PMFBP1: variants seen among roughly 807,000 people sequenced by gnomAD.
The protein encoded by PMFBP1 is polyamine modulated factor 1 binding protein 1, also known as polyamine-modulated factor 1-binding protein 1.
PMFBP1 carries 131 observed loss-of-function variants against 137.8 expected under a neutral mutation model. The observed-to-expected ratio is 0.95, with a 90% CI of 0.82 to 1.10. The LOEUF (loss-of-function observed/expected upper bound fraction) is 1.10, where lower values mean the gene tolerates loss of function less well. Ranked by LOEUF, PMFBP1 falls within the 50% of genes least tolerant of loss-of-function variation. The pLI, the probability that PMFBP1 is intolerant of heterozygous loss-of-function variation, is 0.00. For synonymous variants in PMFBP1, 490 were observed against 450.4 expected, an observed-to-expected ratio of 1.09 and a Z score of -1.11; for missense variants, 1,199 against 1,175.4, an observed-to-expected ratio of 1.02 and a Z score of -0.29.
intron 20 of PMFBP1, 96 bp from the exon 21 acceptor site, chr16:72,119,450 C>A: frequency 1.2e-6 from 2 of 1,607,656 alleles, no homozygotes; most frequent in Non-Finnish European, 1.7e-6. Context: ...AGCTCTGCTG[C>A]AGGGTGACTT....
intron 14 of PMFBP1, 150 bp from the exon 15 acceptor site, chr16:72,126,282 A>G (rs2042457193): frequency 2.4e-6 from 2 of 824,666 alleles, no homozygotes; most frequent in African/African-American, 1.7e-5. Flanking sequence ...TCACTTCACC[A>G]CTGTAAAAGG....
intron 10 of PMFBP1, 137 bp downstream of exon 10, chr16:72,132,611 A>G (rs1267468923): frequency 2.2e-6 from 3 of 1,369,816 alleles, no homozygotes. Flanking sequence ...GTATAGGATG[A>G]GGCCCTGAGA....
chr16:72,162,240 G>T (rs925811830), intron 3 of PMFBP1, among the ~76,000 whole-genome samples: 1 of 152,186 alleles, frequency 6.6e-6, no homozygotes, highest in East Asian at 1.9e-4. Flanking sequence ...GCACATGCAG[G>T]TTGGCACCTG....
At chr16:72,152,949 A>T (rs1184303724) in intron 4 of PMFBP1, among the ~76,000 whole-genome samples, 4 of 152,194 alleles carry the variant, frequency 2.6e-5, no homozygotes, top group African/African-American at 9.6e-5. Context: ...GTGGAACCCA[A>T]GGATAGACCC....
chr16:72,244,993 C>T, the PMFBP1 span, among the ~76,000 whole-genome samples: 2 of 152,224 alleles, frequency 1.3e-5, no homozygotes, highest in South Asian at 2.1e-4. Flanking sequence ...GCATGAGAGT[C>T]GGGCAACTGA....
chr16:72,164,329 G>A, intron 3 of PMFBP1: 1 of 1,062,560 alleles, frequency 9.4e-7, no homozygotes, highest in Non-Finnish European at 1.3e-6. Context: ...AGACGCAGGT[G>A]CAGCAATAAA....
At chr16:72,190,046 G>T in the PMFBP1 span, among the ~76,000 whole-genome samples, 3 of 152,228 alleles carry the variant, frequency 2.0e-5, no homozygotes, top group Non-Finnish European at 4.4e-5. Context: ...CCAATCTTAG[G>T]TTCTACACTA....
At chr16:72,129,500 T>G (rs1359153491) in intron 12 of PMFBP1, among the ~76,000 whole-genome samples, 1 of 152,214 alleles carries the variant, frequency 6.6e-6, no homozygotes, top group African/African-American at 2.4e-5. Context: ...TCCCAAAGAT[T>G]AGGAAGATTC....
the PMFBP1 span, among the ~76,000 whole-genome samples, chr16:72,223,256 T>C: frequency 6.6e-6 from 1 of 152,194 alleles, no homozygotes; most frequent in Non-Finnish European, 1.5e-5. Flanking sequence ...TAGGAGACAG[T>C]TGTGGATCAG....
At chr16:72,175,132 C>A (rs1454703152), upstream of PMFBP1, among the ~76,000 whole-genome samples, 1 of 152,224 alleles carries the variant, frequency 6.6e-6, no homozygotes, top group African/African-American at 2.4e-5. Context: ...AGAATGCTCA[C>A]TTTCCTGGTT....
the PMFBP1 span, among the ~76,000 whole-genome samples, chr16:72,191,267 A>G: frequency 2.0e-5 from 3 of 152,238 alleles, no homozygotes; most frequent in Non-Finnish European, 4.4e-5. Context: ...AGGTGTTAAG[A>G]AAATGTAAAA....
the PMFBP1 span, among the ~76,000 whole-genome samples, chr16:72,212,091 A>G: frequency 4.6e-5 from 7 of 152,206 alleles, no homozygotes; most frequent in African/African-American, 1.7e-4. Flanking sequence ...AAGATGTAAT[A>G]GAAAATAGGA....
At chr16:72,119,726 C>A in intron 20 of PMFBP1, 125 bp downstream of exon 20, 3 of 1,511,864 alleles carry the variant, frequency 2.0e-6, no homozygotes, top group Non-Finnish European at 1.8e-6. Flanking sequence ...GATCTTTGGT[C>A]CAAAGTCGCT....
chr16:72,132,908 C>T lies in PMFBP1; in HGVS notation c.1287G>A (p.Lys429=). ...CCATGCACTGCTGCTTCTCCAGCTC[C>T]TTCTCCTTTTTCAGGAGGCTGTTCT... ...QVQNSLLKKE[K]ELEKQQCMAT... The change falls in exon 10 of 21, where the codon AAG becomes AAA. Residue 429 remains lysine (K), a synonymous_variant. Transcript: ENST00000237353. 1 of 1,614,230 alleles carries T rather than the reference C, an allele frequency of 6.2e-7. No individual in the cohort carries two copies. The highest frequency in any genetic ancestry group is 8.5e-7 in the Non-Finnish European group (1 of 1,180,048).
chr16:72,175,953 C>T (rs909642964), upstream of PMFBP1, among the ~76,000 whole-genome samples: 4 of 152,166 alleles, frequency 2.6e-5, no homozygotes, highest in African/African-American at 9.7e-5. Flanking sequence ...GCTTGGTGTG[C>T]AGAGGCTTGG....
At chr16:72,187,720 T>C in the PMFBP1 span, among the ~76,000 whole-genome samples, 1 of 152,358 alleles carries the variant, frequency 6.6e-6, no homozygotes, top group South Asian at 2.1e-4. Context: ...GTGTTGATAA[T>C]GAGCAAATTA....
At position 72,119,374 on chromosome 16, in the gene PMFBP1, A is replaced by G. The variant is rs1286029751; in HGVS notation, c.3008-20T>C. 6.2e-7 allele frequency: 1 copy of G among 1,614,030 alleles called. No homozygotes were observed. The highest frequency in any genetic ancestry group is 1.1e-5 in the South Asian group (1 of 91,066). ...AGGAACCTGAGGGAACAGGGAGGAA[A>G]TGAGAGTTTTGATTCGAGGAGAAAT... On this transcript the variant is annotated intron_variant, in intron 20 of 20. Transcript: ENST00000237353.
chr16:72,207,296 G>T, the PMFBP1 span, among the ~76,000 whole-genome samples: 3 of 152,276 alleles, frequency 2.0e-5, no homozygotes, highest in Middle Eastern at 6.8e-3. Flanking sequence ...AGAAATGAAA[G>T]GAAAAGCCAC....
In PMFBP1 at chr16:72,129,245, A is replaced by G; in HGVS notation, c.1783-12T>C. The G allele has an allele frequency of 6.2e-7, 1 of 1,607,614 alleles. No homozygotes were observed. The highest frequency in any genetic ancestry group is 8.5e-7 in the Non-Finnish European group (1 of 1,179,638). On this transcript the variant is annotated splice_polypyrimidine_tract_variant and intron_variant, in intron 12 of 20. Coordinates refer to ENST00000237353, the MANE Select transcript of PMFBP1 (RefSeq NM_031293.3). ...CCTTGCTCCCTGTGCTGAAAAAATAAAGACTGAGCTGAAAGACTGTCTTAG... is the reference window on the plus strand; with the variant it reads ...CCTTGCTCCCTGTGCTGAAAAAATAGAGACTGAGCTGAAAGACTGTCTTAG...
Sources: gnomAD v4.1 joint callset for allele counts (sites outside exome capture counted in the v4.1 genomes callset) on GRCh38, gnomAD v4.1.1 for gene constraint, MANE v1.5 for transcripts, NCBI Gene and HGNC (gene_info 2026-07-23, HGNC 2026-07-21) for gene names.